PRKG1: variants seen among roughly 807,000 people sequenced by gnomAD.
PRKG1 encodes the protein cGMP-dependent protein kinase 1.
A neutral mutation model predicts 88.1 loss-of-function variants in PRKG1; 35 were observed. The observed-to-expected ratio is 0.40, with a 90% CI of 0.30 to 0.53. The LOEUF is 0.53. Ranked by LOEUF, PRKG1 falls within the 20% of genes least tolerant of loss-of-function variation. The pLI, the probability that PRKG1 is intolerant of heterozygous loss-of-function variation, is 0.59. For missense variants in PRKG1, 540 were observed against 839.8 expected (o/e 0.64, Z 4.41); for synonymous variants, 303 against 292.5 (o/e 1.04, Z -0.37).
At chr10:51,585,758 T>C (rs1405323843) in intron 3 of PRKG1, among the ~76,000 whole-genome samples, 3 of 152,128 alleles carry the variant, frequency 2.0e-5, no homozygotes, top group Non-Finnish European at 4.4e-5. Flanking sequence ...GAAAATGTGG[T>C]GCATATACAC....
At chr10:52,153,454 C>G (rs1837998663) in intron 8 of PRKG1, among the ~76,000 whole-genome samples, 1 of 152,164 alleles carries the variant, frequency 6.6e-6, no homozygotes. Context: ...AATAGCAATT[C>G]TCCATTCTGA....
chr10:51,643,896 C>T (rs975548135), intron 3 of PRKG1, among the ~76,000 whole-genome samples: 19 of 152,136 alleles, frequency 1.2e-4, no homozygotes, highest in Non-Finnish European at 2.5e-4. Context: ...AGCATCAACA[C>T]CATTAACCAG....
intron 5 of PRKG1, among the ~76,000 whole-genome samples, chr10:51,961,212 C>T (rs1843439551): frequency 6.6e-6 from 1 of 151,870 alleles, no homozygotes; most frequent in Non-Finnish European, 1.5e-5. Flanking sequence ...TTCAGGATCC[C>T]CTTAAATACT....
chr10:52,048,312 T>A (rs1029615427), intron 5 of PRKG1, among the ~76,000 whole-genome samples: 1 of 152,066 alleles, frequency 6.6e-6, no homozygotes, highest in African/African-American at 2.4e-5. Flanking sequence ...AATGATGTAA[T>A]CTTGGGCTGA....
chr10:51,001,024 T>G (rs1356224160), intron 1 of PRKG1, among the ~76,000 whole-genome samples: 1 of 152,254 alleles, frequency 6.6e-6, no homozygotes, highest in Non-Finnish European at 1.5e-5. Context: ...GTGGTTTTCA[T>G]GAAATATATT....
chr10:51,019,186 G>T (rs181892622), intron 1 of PRKG1, among the ~76,000 whole-genome samples: 15 of 152,210 alleles, frequency 9.9e-5, no homozygotes, highest in Admixed American at 4.6e-4. Flanking sequence ...TGCTATGGAA[G>T]ATTTGGAAAA....
chr10:51,717,842 A>AG (rs1485756468), intron 3 of PRKG1, among the ~76,000 whole-genome samples: 1 of 151,998 alleles, frequency 6.6e-6, no homozygotes, highest in Non-Finnish European at 1.5e-5. Flanking sequence ...AAAAAAAAAA[A>AG]AAAAAGAAAT....
At position 51,450,189 on chromosome 10, in the gene PRKG1, T is replaced by G. The variant is rs187087873; in HGVS notation, c.479-17534T>G. On this transcript the variant is annotated intron_variant, in intron 2 of 17. Coordinates refer to ENST00000373980, the MANE Select transcript of PRKG1 (RefSeq NM_006258.4). ...ATTTTAAACCTATTAGGTTTCTTTA[T>G]AAAAAGTTCTTCAGTAATAGAAGAA... Among the ~76,000 whole-genome samples the G allele has an allele frequency of 2.0e-5, 3 of 152,102 alleles. No homozygotes were observed. The East Asian group carries it at 5.8e-4, about 29-fold the overall frequency.
In PRKG1 at chr10:51,903,623, G is replaced by A. The variant is rs539203327; in HGVS notation, c.699-3884G>A. On this transcript the variant is annotated intron_variant, in intron 4 of 17. Coordinates refer to ENST00000373980, the MANE Select transcript of PRKG1 (RefSeq NM_006258.4). ...GATAGAGGCAATCTTTATTATTCCA[G>A]ACTTTCAATTTATTTGACATGCTTT... is the stretch of plus-strand genomic sequence containing the variant. Among the ~76,000 whole-genome samples, 1,204 of 152,160 alleles carry A rather than the reference G, an allele frequency of 7.9e-3. 17 individuals carry two copies. Among genetic ancestry groups the A allele is most frequent in the African/African-American group, 0.025 (1,044 of 41,530 alleles).
chr10:51,907,360 G>T, intron 4 of PRKG1, 147 bp from the exon 5 acceptor site: 3 of 614,732 alleles, frequency 4.9e-6, no homozygotes, highest in Admixed American at 3.5e-5. Context: ...TTTTTTTCAG[G>T]TTGTGTGGCT....
intron 5 of PRKG1, among the ~76,000 whole-genome samples, chr10:51,989,604 A>AC (rs397816408): frequency 6.6e-6 from 1 of 151,244 alleles, no homozygotes; most frequent in African/African-American, 2.4e-5. Flanking sequence ...AAAAAAAAAA[A>AC]CTTAAAAATT....
intron 5 of PRKG1, among the ~76,000 whole-genome samples, chr10:52,052,653 G>A (rs1403586054): frequency 6.6e-6 from 1 of 152,014 alleles, no homozygotes; most frequent in Non-Finnish European, 1.5e-5. Flanking sequence ...TGGCAGACAA[G>A]ACACAATGAG....
chr10:51,801,226 T>C (rs1839165788), intron 3 of PRKG1, among the ~76,000 whole-genome samples: 1 of 152,144 alleles, frequency 6.6e-6, no homozygotes, highest in South Asian at 2.1e-4. Context: ...AATTACTCAG[T>C]TCAGCCAGAG....
At chr10:51,094,143 A>T (rs894298296) in intron 1 of PRKG1, among the ~76,000 whole-genome samples, 2 of 152,002 alleles carry the variant, frequency 1.3e-5, no homozygotes, top group Non-Finnish European at 2.9e-5. Context: ...TTAAATTAGA[A>T]ATACATATGT....
intron 3 of PRKG1, among the ~76,000 whole-genome samples, chr10:51,475,668 T>G (rs943826898): frequency 2.0e-5 from 3 of 151,900 alleles, no homozygotes; most frequent in Admixed American, 2.0e-4. Flanking sequence ...TAGTAAAGAG[T>G]ACCAGCTTTC....
chr10:51,568,514 A>G (rs1837665791), intron 3 of PRKG1: 1 of 152,044 alleles, frequency 6.6e-6, no homozygotes, highest in Non-Finnish European at 1.5e-5. Flanking sequence ...TGCTGGAATT[A>G]CTGGAATGAA....
At chr10:52,233,987 C>T (rs1840605869) in intron 9 of PRKG1, among the ~76,000 whole-genome samples, 1 of 152,134 alleles carries the variant, frequency 6.6e-6, no homozygotes, top group Non-Finnish European at 1.5e-5. Context: ...AGACTGCCTC[C>T]TCAAGTGGGT....
chr10:52,292,905 G>A (rs1266194809), intron 17 of PRKG1, among the ~76,000 whole-genome samples: 1 of 151,998 alleles, frequency 6.6e-6, no homozygotes, highest in African/African-American at 2.4e-5. Context: ...TGGAAGTTCT[G>A]GTCAGGGCAA....
intron 10 of PRKG1, among the ~76,000 whole-genome samples, chr10:52,257,759 G>T (rs970264247): frequency 3.6e-5 from 5 of 139,150 alleles, no homozygotes; most frequent in African/African-American, 1.2e-4. Context: ...AATAAAAACG[G>T]ACAAAAATTA....
Sources: gnomAD v4.1 joint callset for allele counts (sites outside exome capture counted in the v4.1 genomes callset) on GRCh38, gnomAD v4.1.1 for gene constraint, MANE v1.5 for transcripts, NCBI Gene and HGNC (gene_info 2026-07-23, HGNC 2026-07-21) for gene names.